DST: variants seen among roughly 807,000 people sequenced by gnomAD.
DST encodes the protein dystonin.
DST carries 253 observed loss-of-function variants against 875.2 expected under a neutral mutation model. The ratio of observed to expected loss-of-function variants is 0.29; its 90% CI spans 0.26 to 0.32. The LOEUF (loss-of-function observed/expected upper bound fraction) is 0.32, where lower values mean the gene tolerates loss of function less well. Among genes scored for constraint, DST ranks in the 10% least tolerant of loss-of-function variants. The probability of loss-of-function intolerance (pLI) is 1.00; values close to 1 mark genes in which losing one functional copy is unlikely to be tolerated. For missense variants in DST, 8,287 were observed against 9,111.6 expected (o/e 0.91, Z 3.68); for synonymous variants, 3,124 against 3,197.1 (o/e 0.98, Z 0.77).
intron 90 of DST, among the ~76,000 whole-genome samples, chr6:56,477,804 T>A (rs530389043): frequency 6.6e-6 from 1 of 152,316 alleles, no homozygotes; most frequent in Admixed American, 6.5e-5. Flanking sequence ...GCATATGACC[T>A]AAGTACATCC....
intron 39 of DST, 101 bp from the exon 40 acceptor site, chr6:56,609,445 C>T: frequency 1.2e-6 from 1 of 837,566 alleles, no homozygotes; most frequent in Non-Finnish European, 1.9e-6. Flanking sequence ...TACATTTCAA[C>T]ATAAAAATCC....
intron 4 of DST, among the ~76,000 whole-genome samples, chr6:56,754,431 T>C (rs1000004141): frequency 1.3e-5 from 2 of 152,234 alleles, no homozygotes; most frequent in African/African-American, 2.4e-5. Flanking sequence ...CTTCATTTAA[T>C]CTACTTTAGC....
At chr6:56,464,354 T>C (rs934504490) in intron 100 of DST, 8 of 351,904 alleles carry the variant, frequency 2.3e-5, no homozygotes, top group Admixed American at 4.5e-5. Flanking sequence ...TTTACCAACA[T>C]GCAATAACAA....
chr6:56,612,372 G>T (rs1387955075), intron 37 of DST, among the ~76,000 whole-genome samples: 1 of 152,010 alleles, frequency 6.6e-6, no homozygotes, highest in Non-Finnish European at 1.5e-5. Flanking sequence ...CTATCTAAAA[G>T]AAACTTTTTA....
chr6:56,519,897 G>C (rs1220015864), intron 69 of DST, among the ~76,000 whole-genome samples: 1 of 152,222 alleles, frequency 6.6e-6, no homozygotes, highest in African/African-American at 2.4e-5. Context: ...CCAATACCCA[G>C]ATGGCAGACA....
Position 56,517,223 on chromosome 6 carries a change from C to T in DST, c.18332G>A (p.Ser6111Asn). The stretch of plus-strand genomic sequence containing the variant: ...CTTCATTGATTGCTTTTCCTCTTCA[C>T]TGCATGCGGTCATGATTTTATGCCC... ...KSGHKIMTAC[S>N]EEEKQSMKKK... is the part of the protein sequence containing the mutation. The change falls in exon 71 of 104, where the codon AGT becomes AAT. Residue 6111 changes from serine to asparagine, a missense_variant. Transcript: ENST00000680361. 1 of 1,613,134 alleles carries T rather than the reference C, an allele frequency of 6.2e-7. No homozygotes were observed. Among genetic ancestry groups the T allele is most frequent in the Non-Finnish European group, 8.5e-7 (1 of 1,179,372 alleles).
intron 25 of DST, 29 bp downstream of exon 25, chr6:56,634,772 A>AC: frequency 6.2e-7 from 1 of 1,611,560 alleles, no homozygotes; most frequent in Non-Finnish European, 8.5e-7. Context: ...AATGACAGAA[A>AC]CTGGTCTGTT....
intron 85 of DST, among the ~76,000 whole-genome samples, chr6:56,491,756 G>T (rs1314851685): frequency 6.6e-6 from 1 of 152,154 alleles, no homozygotes; most frequent in Non-Finnish European, 1.5e-5. Flanking sequence ...CAGAGAATAT[G>T]CCCCTTCAGA....
At chr6:56,497,331 G>T in intron 82 of DST, 48 bp downstream of exon 82, 1 of 1,593,132 alleles carries the variant, frequency 6.3e-7, no homozygotes, top group Non-Finnish European at 8.6e-7. Flanking sequence ...ATATAACATG[G>T]TCAGTTTGTT....
intron 4 of DST, among the ~76,000 whole-genome samples, chr6:56,834,970 A>G (rs1243503448): frequency 2.0e-5 from 3 of 152,246 alleles, no homozygotes; most frequent in Non-Finnish European, 4.4e-5. Flanking sequence ...CGGTGAATGG[A>G]TAAGTAAACT....
chr6:56,925,796 T>A (rs1055104787), intron 2 of DST, among the ~76,000 whole-genome samples: 3 of 152,220 alleles, frequency 2.0e-5, no homozygotes, highest in Admixed American at 6.5e-5. Flanking sequence ...GGTCATCTTA[T>A]CTCCCAATGA....
intron 86 of DST, 28 bp downstream of exon 86, chr6:56,489,462 A>G: frequency 6.2e-7 from 1 of 1,601,584 alleles, no homozygotes; most frequent in East Asian, 2.2e-5. Flanking sequence ...ATAATGAGAC[A>G]ATATGCTCTT....
intron 4 of DST, among the ~76,000 whole-genome samples, chr6:56,761,126 G>T (rs1284046248): frequency 6.6e-6 from 1 of 152,232 alleles, no homozygotes; most frequent in East Asian, 1.9e-4. Context: ...ACAGCACTGT[G>T]GAGAGGCCCA....
chr6:56,582,522 A>G (rs562341684), intron 49 of DST, among the ~76,000 whole-genome samples: 2 of 150,040 alleles, frequency 1.3e-5, no homozygotes, highest in Non-Finnish European at 1.5e-5. Context: ...TGTCAGTGCC[A>G]TGCTTGTAGA....
chr6:56,786,138 G>T (rs1260890524), intron 4 of DST, among the ~76,000 whole-genome samples: 2 of 152,150 alleles, frequency 1.3e-5, no homozygotes, highest in South Asian at 4.1e-4. Context: ...GTGCATATAT[G>T]AGTGTGTGTC....
At chr6:56,696,413 C>T (rs755257257) in intron 9 of DST, among the ~76,000 whole-genome samples, 2 of 152,124 alleles carry the variant, frequency 1.3e-5, no homozygotes, top group East Asian at 1.9e-4. Flanking sequence ...CCACCTGCCT[C>T]GGCCTCCCAA....
At chr6:56,596,955 A>C (rs1008157108) in intron 47 of DST, among the ~76,000 whole-genome samples, 2 of 152,218 alleles carry the variant, frequency 1.3e-5, no homozygotes, top group Non-Finnish European at 1.5e-5. Context: ...AAGTGAGCTC[A>C]ACTTAGCCTG....
At chr6:56,632,286 T>G (rs1339048177) in intron 28 of DST, among the ~76,000 whole-genome samples, 2 of 152,180 alleles carry the variant, frequency 1.3e-5, no homozygotes, top group African/African-American at 4.8e-5. Context: ...CTGTCCAAAG[T>G]AATACGTTGC....
intron 4 of DST, among the ~76,000 whole-genome samples, chr6:56,770,713 C>T (rs902977988): frequency 7.2e-5 from 11 of 152,064 alleles, no homozygotes; most frequent in Middle Eastern, 3.2e-3. Flanking sequence ...AAAATGAAAA[C>T]AAAGGGGCTG....
Sources: gnomAD v4.1 joint callset for allele counts (sites outside exome capture counted in the v4.1 genomes callset) on GRCh38, gnomAD v4.1.1 for gene constraint, MANE v1.5 for transcripts, NCBI Gene and HGNC (gene_info 2026-07-23, HGNC 2026-07-21) for gene names.